Variants in OLFML2A observed in about 807,000 individuals in gnomAD.
OLFML2A encodes olfactomedin like 2A, also known as olfactomedin-like protein 2A.
OLFML2A carries 47 observed loss-of-function variants against 60.9 expected under a neutral mutation model. That is an observed-to-expected ratio of 0.77 (90% CI 0.61 to 0.98). The LOEUF (loss-of-function observed/expected upper bound fraction) is 0.98, where lower values mean the gene tolerates loss of function less well. Among genes scored for constraint, OLFML2A ranks in the 50% least tolerant of loss-of-function variants. The pLI is 0.00. For missense variants in OLFML2A, 922 were observed against 879.8 expected (o/e 1.05, Z -0.61); for synonymous variants, 372 against 375.0 (o/e 0.99, Z 0.09).
chr9:124,798,194 A>C (rs1203141450), intron 3 of OLFML2A, among the ~76,000 whole-genome samples: 1 of 152,228 alleles, frequency 6.6e-6, no homozygotes, highest in Non-Finnish European at 1.5e-5. Context: ...AAAAGATTGG[A>C]AGCAACTTAA....
chr9:124,812,421 A>T lies in OLFML2A; in HGVS notation c.*2009A>T. On this transcript the variant is annotated 3_prime_UTR_variant, in exon 8 of 8. Coordinates refer to ENST00000373580, the MANE Select transcript of OLFML2A (RefSeq NM_182487.4). ...GGTGATCCGCCCGCCTCAGCCTCCC[A>T]AAGTGTTGGGATTACAGGCATGAGC... 6.6e-6 allele frequency: 1 copy of T among 152,282 alleles called. No homozygotes were observed. The highest frequency in any genetic ancestry group is 1.9e-4 in the East Asian group (1 of 5,196). 9.4% of individuals were successfully genotyped at this position (152,282 alleles called of 1,614,324 possible).
In OLFML2A at chr9:124,807,804, A is replaced by AC. The variant is rs2131279972; in HGVS notation, c.1195dup (p.Leu399ProfsTer58). The AC allele has an allele frequency of 6.2e-7, 1 of 1,612,468 alleles. No homozygotes were observed. Among genetic ancestry groups the AC allele is most frequent in the East Asian group, 2.2e-5 (1 of 44,834 alleles). On this transcript the variant is annotated frameshift_variant, in exon 7 of 8. Coordinates refer to ENST00000373580, the MANE Select transcript of OLFML2A (RefSeq NM_182487.4). LOFTEE classifies it high-confidence loss of function. Reference sequence around the variant, plus strand: ...AGGCAGAGAGGCGAGCTGTGAGGGCACCCTCCGGGCTGTGGACCCCCCTGT... The same window carrying AC: ...AGGCAGAGAGGCGAGCTGTGAGGGCACCCCTCCGGGCTGTGGACCCCCCTGT...
rs1841979374 is a variant in OLFML2A at position 124,810,132 on chromosome 9, T to A, written c.1679T>A (p.Val560Glu). 2 of 1,613,740 alleles carry A rather than the reference T, an allele frequency of 1.2e-6. No homozygotes were observed. Among genetic ancestry groups the A allele is most frequent in the Non-Finnish European group, 1.7e-6 (2 of 1,180,010 alleles). The change falls in exon 8 of 8, where the codon GTG becomes GAG. Residue 560 changes from valine to glutamate, a missense_variant. By Grantham distance (121) the Val-to-Glu change is moderately radical. Transcript: ENST00000373580. ...LSRLDPGDLS[V>E]HRETTWKTRL... ...CGCTTGGACCCCGGCGATCTCTCCG[T>A]GCACCGGGAGACCACGTGGAAGACA...
chr9:124,802,666 C>T (rs1412680635), intron 5 of OLFML2A, among the ~76,000 whole-genome samples: 1 of 152,252 alleles, frequency 6.6e-6, no homozygotes, highest in Non-Finnish European at 1.5e-5. Context: ...CCCTGGCAGG[C>T]TGCTTAGGCC....
chr9:124,807,106 T>C (rs1841909808), intron 6 of OLFML2A, among the ~76,000 whole-genome samples: 1 of 148,420 alleles, frequency 6.7e-6, no homozygotes, highest in Non-Finnish European at 1.5e-5. Context: ...TTTTTTTTTG[T>C]AGAGAGAAGG....
At chr9:124,787,759 A>G (rs1172860249) in intron 2 of OLFML2A, among the ~76,000 whole-genome samples, 2 of 151,586 alleles carry the variant, frequency 1.3e-5, no homozygotes, top group Non-Finnish European at 2.9e-5. Flanking sequence ...GGGTTTCACC[A>G]TGTTTCCCAG....
chr9:124,795,844 C>G (rs1198719795), intron 3 of OLFML2A, among the ~76,000 whole-genome samples: 1 of 152,224 alleles, frequency 6.6e-6, no homozygotes, highest in East Asian at 1.9e-4. Context: ...GCCCACTGGG[C>G]TAGTGCCCAG....
At position 124,800,615 on chromosome 9, in the gene OLFML2A, A is replaced by G. The variant is rs538238524; in HGVS notation, c.670-799A>G. On this transcript the variant is annotated intron_variant, in intron 4 of 7. Transcript: ENST00000373580. ...TGTGTCTGCAACTGGGACTGCCTAG[A>G]TGCCGATAAAGCAGCTAGGAAGCCT... Among the ~76,000 whole-genome samples the G allele has an allele frequency of 4.0e-4, 61 of 152,348 alleles. 1 individual carries two copies. Among genetic ancestry groups the G allele is most frequent in the African/African-American group, 1.4e-3 (60 of 41,580 alleles).
chr9:124,807,688 T>G, intron 6 of OLFML2A, 93 bp from the exon 7 acceptor site: 1 of 987,506 alleles, frequency 1.0e-6, no homozygotes, highest in Non-Finnish European at 1.4e-6. Flanking sequence ...CAGGAGAGAT[T>G]TAAGTTAGAC....
rs201923851 is a variant in OLFML2A at position 124,779,549 on chromosome 9, G to T, written c.90+2189G>T. 1.1e-4 allele frequency among the ~76,000 whole-genome samples: 3 copies of T among 26,892 alleles called. No homozygotes were observed. In the African/African-American group the frequency reaches 1.2e-3, roughly 11 times the overall value. 17.6% of individuals were successfully genotyped at this position (26,892 alleles called of 152,430 possible). On this transcript the variant is annotated intron_variant, in intron 1 of 7. Transcript: ENST00000373580. This position sits in a 1 kb window ranked among gnomAD's most constrained non-coding sequence, Gnocchi z 4.1. ...TGCTAGGTTGTGTGTGTGTGTGGTG[G>T]GGGGGGGGTGTTTAGCTGTCCCAGG...
rs1841286292 is a variant in OLFML2A at position 124,777,876 on chromosome 9, G to C, written c.90+516G>C. On this transcript the variant is annotated intron_variant, in intron 1 of 7. Transcript: ENST00000373580. This position sits in a 1 kb window ranked among gnomAD's most constrained non-coding sequence, Gnocchi z 6.2. ...CTAGGTAGCTCCAGAAGTGGTCTGAGCTGTTCTCTGCTGTGGCTAAGAGGA... is the reference window on the plus strand; with the variant it reads ...CTAGGTAGCTCCAGAAGTGGTCTGACCTGTTCTCTGCTGTGGCTAAGAGGA... Among the ~76,000 whole-genome samples, 1 of 152,180 alleles carries C rather than the reference G, an allele frequency of 6.6e-6. No individual in the cohort carries two copies. Among genetic ancestry groups the C allele is most frequent in the African/African-American group, 2.4e-5 (1 of 41,446 alleles).
At position 124,777,660 on chromosome 9, in the gene OLFML2A, A is replaced by G. The variant is rs1564279242; in HGVS notation, c.90+300A>G. Reference sequence around the variant, plus strand: ...GGGATTTCCCCGGAGTGCTGGCCAGACTCGGGGTTCGTAGGGGAAGCTCCT... The same window carrying G: ...GGGATTTCCCCGGAGTGCTGGCCAGGCTCGGGGTTCGTAGGGGAAGCTCCT... On this transcript the variant is annotated intron_variant, in intron 1 of 7. Coordinates refer to ENST00000373580, the MANE Select transcript of OLFML2A (RefSeq NM_182487.4). This position sits in a 1 kb window ranked among gnomAD's most constrained non-coding sequence, Gnocchi z 6.2. 6.6e-6 allele frequency among the ~76,000 whole-genome samples: 1 copy of G among 151,876 alleles called. No individual in the cohort carries two copies. Among genetic ancestry groups the G allele is most frequent in the Non-Finnish European group, 1.5e-5 (1 of 67,938 alleles).
chr9:124,785,421 G>C (rs1443968504), intron 1 of OLFML2A, among the ~76,000 whole-genome samples: 2 of 124,378 alleles, frequency 1.6e-5, no homozygotes, highest in South Asian at 2.5e-4. Context: ...TTTTTGAGAC[G>C]GAGTCTCACT....
At chr9:124,809,540 A>G (rs1476124173) in intron 7 of OLFML2A, among the ~76,000 whole-genome samples, 1 of 151,724 alleles carries the variant, frequency 6.6e-6, no homozygotes, top group Non-Finnish European at 1.5e-5. Flanking sequence ...GGCTGATGTC[A>G]CCCTGTGTCT....
intron 1 of OLFML2A, among the ~76,000 whole-genome samples, chr9:124,781,401 G>A (rs936969781): frequency 1.3e-5 from 2 of 152,148 alleles, no homozygotes; most frequent in African/African-American, 4.8e-5. Flanking sequence ...TGGGCAGCCA[G>A]GGGGAGGTGC....
chr9:124,779,840 G>A lies in OLFML2A; in HGVS notation c.90+2480G>A, dbSNP rs890777048. Among the ~76,000 whole-genome samples the A allele has an allele frequency of 7.9e-5, 12 of 152,152 alleles. No homozygotes were observed. The highest frequency in any genetic ancestry group is 2.0e-4 in the Admixed American group (3 of 15,268). On this transcript the variant is annotated intron_variant, in intron 1 of 7. Coordinates refer to ENST00000373580, the MANE Select transcript of OLFML2A (RefSeq NM_182487.4). This position sits in a 1 kb window ranked among gnomAD's most constrained non-coding sequence, Gnocchi z 4.1. ...CCGCCTTCCTCTCCAAGCCCATTCC[G>A]TTTTCCCTGGGGTGGAGGATGAGCC... is the stretch of plus-strand genomic sequence containing the variant.
chr9:124,807,691 A>G, intron 6 of OLFML2A, 90 bp from the exon 7 acceptor site: 1 of 1,016,774 alleles, frequency 9.8e-7, no homozygotes, highest in Non-Finnish European at 1.4e-6. Flanking sequence ...GAGAGATTTA[A>G]GTTAGACCCA....
intron 1 of OLFML2A, among the ~76,000 whole-genome samples, chr9:124,781,504 C>G (rs575021525): frequency 1.1e-3 from 175 of 152,228 alleles, no homozygotes; most frequent in African/African-American, 3.9e-3. Context: ...TTCAAGATGA[C>G]ACAAGTTGGG....
chr9:124,798,800 A>C (rs531000081), intron 3 of OLFML2A, among the ~76,000 whole-genome samples: 28 of 152,300 alleles, frequency 1.8e-4, no homozygotes, highest in African/African-American at 6.5e-4. Context: ...ATGGCCTTTA[A>C]GCAATGGTGT....
Sources: allele counts gnomAD v4.1 joint callset (sites outside exome capture counted in the v4.1 genomes callset), GRCh38; gene constraint gnomAD v4.1.1; non-coding constraint Gnocchi (gnomAD v3.1); transcripts MANE v1.5; gene names NCBI Gene and HGNC (gene_info 2026-07-23, HGNC 2026-07-21).